C1orf35: variants seen among roughly 807,000 people sequenced by gnomAD.
C1orf35 encodes the protein multiple myeloma tumor-associated protein 2.
Under a neutral mutation model 30.9 loss-of-function variants are expected in C1orf35, and 36 were observed. The ratio of observed to expected loss-of-function variants is 1.16; its 90% CI spans 0.89 to 1.54. The LOEUF (loss-of-function observed/expected upper bound fraction) is 1.54, where lower values mean the gene tolerates loss of function less well. Ranked by LOEUF, C1orf35 falls within the 40% of genes most tolerant of loss-of-function variation. The probability of loss-of-function intolerance (pLI) is 0.00; values close to 1 mark genes in which losing one functional copy is unlikely to be tolerated. For synonymous variants in C1orf35, 179 were observed against 148.2 expected, an observed-to-expected ratio of 1.21 and a Z score of -1.51; for missense variants, 396 against 358.7, an observed-to-expected ratio of 1.10 and a Z score of -0.84.
intron 4 of C1orf35, 39 bp downstream of exon 4, chr1:228,102,439 C>A (rs779654391): frequency 1.3e-6 from 2 of 1,577,256 alleles, no homozygotes; most frequent in Admixed American, 1.8e-5. Context: ...CCCGAGCAAT[C>A]GAGCCCAGTG....
chr1:228,101,394 C>G lies in C1orf35; in HGVS notation c.613G>C (p.Asp205His), dbSNP rs1054173176. 6 of 1,613,902 alleles carry G rather than the reference C, an allele frequency of 3.7e-6. No homozygotes were observed. The highest frequency in any genetic ancestry group is 1.7e-5 in the Admixed American group (1 of 59,990). Reference protein sequence around the residue: ...RKHKKEKKKKDKEHRRPAEAT... With the variant: ...RKHKKEKKKKHKEHRRPAEAT... ...TCAGCTGGCCGCCTGTGCTCTTTGTCTTTCTTCTTCTTCTCTTTCTTGTGT... is the reference window on the plus strand; with the variant it reads ...TCAGCTGGCCGCCTGTGCTCTTTGTGTTTCTTCTTCTTCTCTTTCTTGTGT... The change falls in exon 7 of 8, where the codon GAC becomes CAC. Residue 205 changes from aspartate (D) to histidine (H), a missense_variant. Transcript: ENST00000272139.
chr1:228,101,125 C>CAG lies in C1orf35; in HGVS notation c.*4_*5dup. 1 of 1,612,414 alleles carries CAG rather than the reference C, an allele frequency of 6.2e-7. No homozygotes were observed. The highest frequency in any genetic ancestry group is 1.9e-4 in the Middle Eastern group (1 of 5,274). On this transcript the variant is annotated 3_prime_UTR_variant, in exon 8 of 8. Transcript: ENST00000272139. Reference sequence around the variant, plus strand: ...TCCCACAACAGCAGTGAGCAGGGTCCAGCCATCAGGCCTCAGAGCCTCTGT... The same window carrying CAG: ...TCCCACAACAGCAGTGAGCAGGGTCCAGAGCCATCAGGCCTCAGAGCCTCTGT...
At chr1:228,102,803 T>TTCCCCCCCCC in intron 2 of C1orf35, 96 bp downstream of exon 2, 4 of 1,187,490 alleles carry the variant, frequency 3.4e-6, no homozygotes, top group Non-Finnish European at 4.5e-6. Flanking sequence ...GCAGCCCCGC[T>TTCCCCCCCCC]CCCGCCCAGC....
Position 228,101,366 on chromosome 1 carries a change from G to A in C1orf35, c.641C>T (p.Ala214Val). 6.2e-7 allele frequency: 1 copy of A among 1,614,148 alleles called. No homozygotes were observed. The highest frequency in any genetic ancestry group is 8.5e-7 in the Non-Finnish European group (1 of 1,180,032). The change falls in exon 7 of 8, where the codon GCC (alanine) becomes GTC (valine). Residue 214 changes from alanine (A) to valine (V), a missense_variant. Physicochemically the swap from Ala to Val is moderately conservative, Grantham distance 64. Transcript: ENST00000272139. ...CTCAGGAGATGTGGGAGAGGAGGTG[G>A]CCTCAGCTGGCCGCCTGTGCTCTTT... The part of the protein sequence containing the change: ...KDKEHRRPAE[A>V]TSSPTSPERP...
chr1:228,101,347 A>G lies in C1orf35; in HGVS notation c.660T>C (p.Ser220=). 2 of 1,614,084 alleles carry G rather than the reference A, an allele frequency of 1.2e-6. No homozygotes were observed. Among genetic ancestry groups the G allele is most frequent in the Middle Eastern group, 3.3e-4 (2 of 6,062 alleles). ...RPAEATSSPT[S]PERPRHHHHD... ...TATGGACCAGGGCATACCTCTCAGG[A>G]GATGTGGGAGAGGAGGTGGCCTCAG... The change falls in exon 7 of 8, where the codon TCT becomes TCC. Residue 220 remains serine, a synonymous_variant. Coordinates refer to ENST00000272139, the MANE Select transcript of C1orf35 (RefSeq NM_024319.4).
chr1:228,102,104 C>A lies in C1orf35; in HGVS notation c.509G>T (p.Arg170Leu). 1.9e-6 allele frequency: 3 copies of A among 1,582,860 alleles called. No individual in the cohort carries two copies. In the South Asian group the frequency reaches 3.4e-5, roughly 18 times the overall value. Reference protein sequence around the residue: ...TSAASARRKPRAEDQTESSCE... With the variant: ...TSAASARRKPLAEDQTESSCE... ...CCTGCTTTCCGTCTGATCCTCCGCC[C>A]GCGGCTTCCTCCTGGCCGAGGCTGC... Residue 170 changes from arginine to leucine, a missense_variant, in exon 6 of 8, where the codon CGG (arginine) becomes CTG (leucine). By Grantham distance (102) the Arg-to-Leu change is moderately radical. Coordinates refer to ENST00000272139, the MANE Select transcript of C1orf35 (RefSeq NM_024319.4).
chr1:228,101,520 CAA>C, intron 6 of C1orf35, 47 bp from the exon 7 acceptor site: 1 of 1,603,508 alleles, frequency 6.2e-7, no homozygotes, highest in Non-Finnish European at 8.5e-7. Flanking sequence ...TCTTGCAAGC[CAA>C]GAGAGTGAAC....
In C1orf35 at chr1:228,103,051, T is replaced by C; in HGVS notation, c.95-2A>G. Reference sequence around the variant, plus strand: ...CTACCGGCGCCATCAGCGAGTTGCCTGCGGACGTAGACGCTGTGAGTCCAG... The same window carrying C: ...CTACCGGCGCCATCAGCGAGTTGCCCGCGGACGTAGACGCTGTGAGTCCAG... On this transcript the variant is annotated splice_acceptor_variant, in intron 1 of 7. Coordinates refer to ENST00000272139, the MANE Select transcript of C1orf35 (RefSeq NM_024319.4). LOFTEE classifies it high-confidence loss of function. 1 of 1,599,814 alleles carries C rather than the reference T, an allele frequency of 6.3e-7. No individual in the cohort carries two copies. Among genetic ancestry groups the C allele is most frequent in the Non-Finnish European group, 8.5e-7 (1 of 1,174,414 alleles).
Position 228,102,483 on chromosome 1 carries a change from G to C in C1orf35, c.369C>G (p.Ser123Arg). The C allele has an allele frequency of 6.4e-7, 1 of 1,558,004 alleles. No homozygotes were observed. The highest frequency in any genetic ancestry group is 1.2e-5 in the South Asian group (1 of 85,616). Residue 123 changes from serine (S) to arginine (R), a missense_variant, in exon 4 of 8, where the codon AGC (serine) becomes AGG (arginine). By Grantham distance (110) the Ser-to-Arg change is moderately radical. Coordinates refer to ENST00000272139, the MANE Select transcript of C1orf35 (RefSeq NM_024319.4). Reference protein sequence around the residue: ...KGVDRLLGLGSASGSVGRVAM... With the variant: ...KGVDRLLGLGRASGSVGRVAM... The stretch of plus-strand genomic sequence containing the variant: ...CCCTGGAAACCCGCCCGCACCTTGC[G>C]CTCCCCAGCCCCAGCAGCCGGTCCA...
Position 228,103,265 on chromosome 1 carries a change from CA to C in C1orf35, c.-39del, listed in dbSNP as rs766132629. 1.2e-6 allele frequency: 2 copies of C among 1,601,714 alleles called. No individual in the cohort carries two copies. The highest frequency in any genetic ancestry group is 1.7e-6 in the Non-Finnish European group (2 of 1,175,482). On this transcript the variant is annotated 5_prime_UTR_variant, in exon 1 of 8. Transcript: ENST00000272139. ...GCAGTTGCCTGGGGCCTGCGGCTTGCAACCTGCAACCCGCAACCCGAGACCC... is the reference window on the plus strand; with the variant it reads ...GCAGTTGCCTGGGGCCTGCGGCTTGCACCTGCAACCCGCAACCCGAGACCC...
Position 228,101,012 on chromosome 1 carries a change from C to T in C1orf35, c.*119G>A. ...TAGCCCCACAGGCTGGTGCCCAGAG[C>T]CACTTCCACAGGAGCAGCCTCGGGC... On this transcript the variant is annotated 3_prime_UTR_variant, in exon 8 of 8. Transcript: ENST00000272139. 2 of 1,453,692 alleles carry T rather than the reference C, an allele frequency of 1.4e-6. No individual in the cohort carries two copies. Among genetic ancestry groups the T allele is most frequent in the South Asian group, 2.5e-5 (2 of 79,926 alleles). The allele number at this position is 1,453,692 out of a possible 1,614,324, so 90.0% of individuals were successfully genotyped here.
chr1:228,100,767 C>T lies in C1orf35; in HGVS notation c.*364G>A, dbSNP rs901525818. The T allele has an allele frequency of 4.6e-6, 1 of 219,404 alleles. No individual in the cohort carries two copies. The highest frequency in any genetic ancestry group is 1.0e-4 in the East Asian group (1 of 9,794). 13.6% of individuals were successfully genotyped at this position (219,404 alleles called of 1,614,324 possible). Reference sequence around the variant, plus strand: ...ATATATTTATTGAAATACAAAGAGTCAATATAAAGAAAAATAGAGGTCACC... The same window carrying T: ...ATATATTTATTGAAATACAAAGAGTTAATATAAAGAAAAATAGAGGTCACC... On this transcript the variant is annotated 3_prime_UTR_variant, in exon 8 of 8. Coordinates refer to ENST00000272139, the MANE Select transcript of C1orf35 (RefSeq NM_024319.4).
chr1:228,101,963 G>A (rs1326081588), intron 6 of C1orf35, 117 bp downstream of exon 6: 2 of 1,429,190 alleles, frequency 1.4e-6, no homozygotes, highest in African/African-American at 1.5e-5. Context: ...AGTAGGGCAG[G>A]CCACCCGCCG....
In C1orf35 at chr1:228,102,690, T is replaced by C. The variant is rs756738418; in HGVS notation, c.246-2A>G. On this transcript the variant is annotated splice_acceptor_variant, in intron 2 of 7. Coordinates refer to ENST00000272139, the MANE Select transcript of C1orf35 (RefSeq NM_024319.4). LOFTEE classifies it high-confidence loss of function. ...TGCTTCTTCACGTTCTTGTAGCCAC[T>C]GCGAGAGGGCCGGGGCAGGCGTCAG... 7.5e-6 allele frequency: 12 copies of C among 1,606,418 alleles called. No homozygotes were observed. The highest frequency in any genetic ancestry group is 9.3e-6 in the Non-Finnish European group (11 of 1,176,670).
At chr1:228,101,596 A>C in intron 6 of C1orf35, 123 bp from the exon 7 acceptor site, 3 of 1,520,398 alleles carry the variant, frequency 2.0e-6, no homozygotes, top group Non-Finnish European at 2.6e-6. Flanking sequence ...AGTTAAATCA[A>C]ACTACAAATT....
In C1orf35 at chr1:228,100,838, A is replaced by AC; in HGVS notation, c.*292dup. 4.3e-6 allele frequency: 2 copies of AC among 466,296 alleles called. No individual in the cohort carries two copies. The highest frequency in any genetic ancestry group is 7.8e-6 in the Non-Finnish European group (2 of 257,758). The allele number at this position is 466,296 out of a possible 1,614,324, so 28.9% of individuals were successfully genotyped here. ...CGCTCATAGGCCCATGGCTGCTGCAACCATGGGCAGGACACAGAGGGAGTC... is the reference window on the plus strand; with the variant it reads ...CGCTCATAGGCCCATGGCTGCTGCAACCCATGGGCAGGACACAGAGGGAGTC... On this transcript the variant is annotated 3_prime_UTR_variant, in exon 8 of 8. Coordinates refer to ENST00000272139, the MANE Select transcript of C1orf35 (RefSeq NM_024319.4).
chr1:228,103,074 C>G (rs2033020150), intron 1 of C1orf35, 25 bp from the exon 2 acceptor site: 1 of 1,605,500 alleles, frequency 6.2e-7, no homozygotes, highest in Non-Finnish European at 8.5e-7. Flanking sequence ...GCTGTGAGTC[C>G]AGCGCCCGCC....
chr1:228,102,710 C>T lies in C1orf35; in HGVS notation c.246-22G>A, dbSNP rs776716819. 1.1e-5 allele frequency: 17 copies of T among 1,600,122 alleles called. No homozygotes were observed. In the African/African-American group the frequency reaches 2.0e-4, roughly 19 times the overall value. ...GCCACTGCGAGAGGGCCGGGGCAGG[C>T]GTCAGGACGGACGGACCTCCTCCCA... On this transcript the variant is annotated intron_variant, in intron 2 of 7. Transcript: ENST00000272139.
intron 1 of C1orf35, 28 bp from the exon 2 acceptor site, chr1:228,103,077 C>G: frequency 6.2e-7 from 1 of 1,605,740 alleles, no homozygotes; most frequent in South Asian, 1.1e-5. Context: ...GTGAGTCCAG[C>G]GCCCGCCCGG....
Sources: allele counts gnomAD v4.1 joint callset, GRCh38; gene constraint gnomAD v4.1.1; transcripts MANE v1.5; gene names NCBI Gene and HGNC (gene_info 2026-07-23, HGNC 2026-07-21).